FUBP3: variants seen among roughly 807,000 people sequenced by gnomAD.
FUBP3 encodes far upstream element binding protein 3.
A neutral mutation model predicts 85.6 loss-of-function variants in FUBP3; 28 were observed. The ratio of observed to expected loss-of-function variants is 0.33; its 90% confidence interval spans 0.24 to 0.45. The LOEUF is 0.45. Ranked by LOEUF, FUBP3 falls within the 20% of genes least tolerant of loss-of-function variation. The probability of loss-of-function intolerance (pLI) is 1.00; values close to 1 mark genes in which losing one functional copy is unlikely to be tolerated. For synonymous variants in FUBP3, 271 were observed against 271.4 expected, an observed-to-expected ratio of 1.00 and a Z score of 0.01; for missense variants, 583 against 755.1, an observed-to-expected ratio of 0.77 and a Z score of 2.67.
In FUBP3 at chr9:130,635,894, C is replaced by A; in HGVS notation, c.1583-105C>A. On this transcript the variant is annotated intron_variant, in intron 17 of 18. Coordinates refer to ENST00000319725, the MANE Select transcript of FUBP3 (RefSeq NM_003934.2). The surrounding 1 kb of genome is among the most constrained non-coding windows in gnomAD (Gnocchi z 4.3). The stretch of plus-strand genomic sequence containing the variant: ...CTCACTGCCTCCCAGACCTCCCTGC[C>A]TTCCAGCCGTCCGGAGGGAGAGCAG... 1 of 1,220,822 alleles carries A rather than the reference C, an allele frequency of 8.2e-7. No individual in the cohort carries two copies. The highest frequency in any genetic ancestry group is 1.2e-6 in the Non-Finnish European group (1 of 868,514). The allele number at this position is 1,220,822 out of a possible 1,614,324, so 75.6% of individuals were successfully genotyped here. A position where few individuals can be genotyped will look rare whatever the true frequency, so the allele number is the denominator to read the frequency against.
In FUBP3 at chr9:130,617,738, G is replaced by A; in HGVS notation, c.568-59G>A. The A allele has an allele frequency of 3.8e-6, 4 of 1,064,206 alleles. No homozygotes were observed. The South Asian group carries it at 5.0e-5, about 13-fold the overall frequency. 65.9% of individuals were successfully genotyped at this position (1,064,206 alleles called of 1,614,324 possible). A position where few individuals can be genotyped will look rare whatever the true frequency, so the allele number is the denominator to read the frequency against. ...GTGTGACTGGGTCCGATTTTGTGCTGCCCTGCATTTCATGCCCTGCATTAT... is the reference window on the plus strand; with the variant it reads ...GTGTGACTGGGTCCGATTTTGTGCTACCCTGCATTTCATGCCCTGCATTAT... On this transcript the variant is annotated intron_variant, in intron 7 of 18. Coordinates refer to ENST00000319725, the MANE Select transcript of FUBP3 (RefSeq NM_003934.2).
At chr9:130,594,301 G>C (rs1057159658) in intron 1 of FUBP3, among the ~76,000 whole-genome samples, 27 of 151,910 alleles carry the variant, frequency 1.8e-4, no homozygotes, top group Non-Finnish European at 5.9e-5. Flanking sequence ...TAAAAAAATA[G>C]GCCAGGCGCT....
intron 1 of FUBP3, among the ~76,000 whole-genome samples, chr9:130,582,272 G>A (rs761029125): frequency 1.3e-5 from 2 of 151,944 alleles, no homozygotes; most frequent in Non-Finnish European, 2.9e-5. Context: ...GCAACATAGC[G>A]AGACCTTGTC....
intron 9 of FUBP3, among the ~76,000 whole-genome samples, chr9:130,621,657 A>G (rs1171881919): frequency 1.3e-5 from 2 of 152,250 alleles, no homozygotes; most frequent in Non-Finnish European, 2.9e-5. Flanking sequence ...CTGTAATCCC[A>G]GCACTTTGGG....
At chr9:130,632,402 A>G (rs1330411061) in intron 16 of FUBP3, 124 bp downstream of exon 16, 6 of 722,140 alleles carry the variant, frequency 8.3e-6, no homozygotes, top group Admixed American at 4.4e-5. Context: ...CCAAATGACA[A>G]GGAGCCCTCT....
rs547822626 is a variant in FUBP3, at chr9:130,579,657, G to A, written c.-24G>A. 8.3e-7 allele frequency: 1 copy of A among 1,197,684 alleles called. No individual in the cohort carries two copies. Among genetic ancestry groups the A allele is most frequent in the Non-Finnish European group, 1.0e-6 (1 of 952,774 alleles). The allele number at this position is 1,197,684 out of a possible 1,614,324, so 74.2% of individuals were successfully genotyped here. A position where few individuals can be genotyped will look rare whatever the true frequency, so the allele number is the denominator to read the frequency against. ...GGCGGCGTCGGCGGCGTCGGCGGCG[G>A]CGGCGACGGCGGCGGGGGCGGTAAT... is the stretch of plus-strand genomic sequence containing the variant. On this transcript the variant is annotated 5_prime_UTR_variant, in exon 1 of 19. Coordinates refer to ENST00000319725, the MANE Select transcript of FUBP3 (RefSeq NM_003934.2).
At chr9:130,587,105 ACC>A (rs1396805616) in intron 1 of FUBP3, among the ~76,000 whole-genome samples, 37 of 139,220 alleles carry the variant, frequency 2.7e-4, no homozygotes, top group Admixed American at 8.5e-4. Flanking sequence ...TCACTCTGTC[ACC>A]AGGCTGGAAG....
chr9:130,634,740 T>TG lies in FUBP3; in HGVS notation c.1582+3dup. The TG allele has an allele frequency of 6.2e-7, 1 of 1,611,618 alleles. No homozygotes were observed. The highest frequency in any genetic ancestry group is 8.5e-7 in the Non-Finnish European group (1 of 1,178,330). ...GGGAAGACTATTACAAAAAACAGAG[T>TG]GAGTGCCCGGCCCTCCTAACCTGTG... On this transcript the variant is annotated splice_region_variant and intron_variant, in intron 17 of 18. Transcript: ENST00000319725.
At chr9:130,597,182 TTAACA>T (rs1359800086) in intron 2 of FUBP3, among the ~76,000 whole-genome samples, 2 of 152,224 alleles carry the variant, frequency 1.3e-5, no homozygotes, top group African/African-American at 4.8e-5. Context: ...CTTATTTCAC[TTAACA>T]TAATGATCTC....
Position 130,635,834 on chromosome 9 carries a change from T to G in FUBP3, c.1583-165T>G, listed in dbSNP as rs528513405. 3.3e-5 allele frequency: 22 copies of G among 672,042 alleles called. No homozygotes were observed. The highest frequency in any genetic ancestry group is 3.2e-4 in the African/African-American group (18 of 55,704). 41.6% of individuals were successfully genotyped at this position (672,042 alleles called of 1,614,324 possible). On this transcript the variant is annotated intron_variant, in intron 17 of 18. Coordinates refer to ENST00000319725, the MANE Select transcript of FUBP3 (RefSeq NM_003934.2). The surrounding 1 kb of genome is among the most constrained non-coding windows in gnomAD (Gnocchi z 4.3). Reference sequence around the variant, plus strand: ...CGGGCAACAAGAGGCTAACAGCACCTTTTGTAGCAAGCGCTCCTGCAACAC... The same window carrying G: ...CGGGCAACAAGAGGCTAACAGCACCGTTTGTAGCAAGCGCTCCTGCAACAC...
At chr9:130,591,729 A>G (rs1830634182) in intron 1 of FUBP3, among the ~76,000 whole-genome samples, 1 of 152,208 alleles carries the variant, frequency 6.6e-6, no homozygotes, top group African/African-American at 2.4e-5. Flanking sequence ...CCCAAATTGT[A>G]GGTAATGAAG....
rs1184786812 is a variant in FUBP3, at chr9:130,613,128, G to T, written c.346+101G>T. The stretch of plus-strand genomic sequence containing the variant: ...GCTTGTTGCTTGGGTAAGTATATGC[G>T]ATTAGTGTTTTCCTTGCACTTTGGG... On this transcript the variant is annotated intron_variant, in intron 5 of 18. Transcript: ENST00000319725. 5 of 719,824 alleles carry T rather than the reference G, an allele frequency of 6.9e-6. No homozygotes were observed. In the East Asian group the frequency reaches 1.3e-4, roughly 19 times the overall value. The allele number at this position is 719,824 out of a possible 1,614,324, so 44.6% of individuals were successfully genotyped here.
intron 3 of FUBP3, among the ~76,000 whole-genome samples, chr9:130,610,470 G>A (rs1831684305): frequency 6.6e-6 from 1 of 152,176 alleles, no homozygotes; most frequent in Admixed American, 6.5e-5. Flanking sequence ...CGAAGTGGTA[G>A]GGACTTGCCA....
chr9:130,623,768 C>G, intron 11 of FUBP3, 57 bp downstream of exon 11: 1 of 1,186,502 alleles, frequency 8.4e-7, no homozygotes, highest in Non-Finnish European at 1.3e-6. Context: ...AAAGTGCTAC[C>G]CGGGGCTCTC....
chr9:130,622,702 G>C lies in FUBP3; in HGVS notation c.772-6G>C. On this transcript the variant is annotated splice_region_variant and splice_polypyrimidine_tract_variant and intron_variant, in intron 9 of 18. Transcript: ENST00000319725. ...TTCTGATGTGGTTTGGTTTCTCTGT[G>C]CCTAGGTATCTGTGCCTAGGTTTGC... The C allele has an allele frequency of 6.9e-7, 1 of 1,453,398 alleles. No individual in the cohort carries two copies. The highest frequency in any genetic ancestry group is 9.5e-7 in the Non-Finnish European group (1 of 1,048,454). 90.0% of individuals were successfully genotyped at this position (1,453,398 alleles called of 1,614,324 possible).
chr9:130,600,305 G>A (rs977905106), intron 2 of FUBP3, among the ~76,000 whole-genome samples: 2 of 152,110 alleles, frequency 1.3e-5, no homozygotes, highest in African/African-American at 2.4e-5. Flanking sequence ...TGGCCATAAA[G>A]ACTGGCTTCA....
rs749886402 is a variant in FUBP3, at chr9:130,614,365, T to C, written c.404+20T>C. ...TATTGAGTAAGTTTATTTTATTTAC[T>C]TTTTCTTTCACTCTTCTTCCTCCTT... is the stretch of plus-strand genomic sequence containing the variant. On this transcript the variant is annotated intron_variant, in intron 6 of 18. Transcript: ENST00000319725. 19 of 1,506,926 alleles carry C rather than the reference T, an allele frequency of 1.3e-5. No homozygotes were observed. The highest frequency in any genetic ancestry group is 1.7e-5 in the Non-Finnish European group (18 of 1,085,006). 93.3% of individuals were successfully genotyped at this position (1,506,926 alleles called of 1,614,324 possible). A position where few individuals can be genotyped will look rare whatever the true frequency, so the allele number is the denominator to read the frequency against.
Position 130,616,619 on chromosome 9 carries a change from G to T in FUBP3, c.567+102G>T, listed in dbSNP as rs1393402157. The T allele has an allele frequency of 2.6e-6, 3 of 1,141,494 alleles. No individual in the cohort carries two copies. The South Asian group carries it at 4.2e-5, about 16-fold the overall frequency. The allele number at this position is 1,141,494 out of a possible 1,614,324, so 70.7% of individuals were successfully genotyped here. On this transcript the variant is annotated intron_variant, in intron 7 of 18. Coordinates refer to ENST00000319725, the MANE Select transcript of FUBP3 (RefSeq NM_003934.2). The surrounding 1 kb of genome is among the most constrained non-coding windows in gnomAD (Gnocchi z 4.7). Reference sequence around the variant, plus strand: ...ACGGCTGGCATTCCCTGGCTGGGCTGGCTTTGTGCAGCATTGTGCTGAGGC... The same window carrying T: ...ACGGCTGGCATTCCCTGGCTGGGCTTGCTTTGTGCAGCATTGTGCTGAGGC...
rs1335346896 is a variant in FUBP3 at position 130,619,715 on chromosome 9, T to G, written c.667-639T>G. Among the ~76,000 whole-genome samples the G allele has an allele frequency of 3.9e-5, 6 of 152,358 alleles. No homozygotes were observed. The Middle Eastern group carries it at 0.01, about 259-fold the overall frequency. ...GGTTGGCCAACATGCAGTGATAGACTTGCCAAGTGTGTGTTTTGGGGAGAA... is the reference window on the plus strand; with the variant it reads ...GGTTGGCCAACATGCAGTGATAGACGTGCCAAGTGTGTGTTTTGGGGAGAA... On this transcript the variant is annotated intron_variant, in intron 8 of 18. Coordinates refer to ENST00000319725, the MANE Select transcript of FUBP3 (RefSeq NM_003934.2).
Sources: gnomAD v4.1 joint callset for allele counts (sites outside exome capture counted in the v4.1 genomes callset) on GRCh38, gnomAD v4.1.1 for gene constraint, Gnocchi (gnomAD v3.1) non-coding constraint, MANE v1.5 for transcripts, NCBI Gene and HGNC (gene_info 2026-07-23, HGNC 2026-07-21) for gene names.